The following ADAMTS6 variants were observed in gnomAD, a reference collection of about 807,000 sequenced individuals.
ADAMTS6 encodes the protein A disintegrin and metalloproteinase with thrombospondin motifs 6.
In ADAMTS6, 23 loss-of-function variants were observed where a neutral mutation model predicts 144.3. That is an observed-to-expected ratio of 0.16 (90% CI 0.11 to 0.23). The LOEUF (loss-of-function observed/expected upper bound fraction) is 0.23. Ranked by LOEUF, ADAMTS6 falls within the 10% of genes least tolerant of loss-of-function variation. ADAMTS6 has a pLI of 1.00. For missense variants in ADAMTS6, 999 were observed against 1,379.6 expected, an observed-to-expected ratio of 0.72 and a Z score of 4.37; for synonymous variants, 444 against 457.5, an observed-to-expected ratio of 0.97 and a Z score of 0.38.
chr5:65,223,616 C>A (rs1757488239), intron 18 of ADAMTS6, among the ~76,000 whole-genome samples: 1 of 152,136 alleles, frequency 6.6e-6, no homozygotes, highest in African/African-American at 2.4e-5. Flanking sequence ...CAGGTTCATC[C>A]ATATTGTTGC....
chr5:65,372,502 G>T (rs899861748), intron 7 of ADAMTS6, among the ~76,000 whole-genome samples: 9 of 151,794 alleles, frequency 5.9e-5, no homozygotes, highest in African/African-American at 2.2e-4. Context: ...GATCAAAAGA[G>T]ACAAAGAAGG....
At chr5:65,318,277 G>A (rs963711959) in intron 9 of ADAMTS6, among the ~76,000 whole-genome samples, 1 of 152,110 alleles carries the variant, frequency 6.6e-6, no homozygotes, top group Non-Finnish European at 1.5e-5. Flanking sequence ...ATACACTGTT[G>A]GTGGGAATGT....
intron 11 of ADAMTS6, among the ~76,000 whole-genome samples, chr5:65,275,403 GAAAGAA>G (rs1762431029): frequency 8.4e-6 from 1 of 119,558 alleles, no homozygotes; most frequent in South Asian, 2.6e-4. Context: ...AAGAAAGAAA[GAAAGAA>G]AGAAAGAAAA....
At chr5:65,185,433 A>G (rs1269340118) in intron 22 of ADAMTS6, among the ~76,000 whole-genome samples, 1 of 152,198 alleles carries the variant, frequency 6.6e-6, no homozygotes, top group Non-Finnish European at 1.5e-5. Flanking sequence ...AGACAGTAAC[A>G]GCAGCAGTTT....
At chr5:65,426,377 T>C (rs1756538556) in intron 7 of ADAMTS6, among the ~76,000 whole-genome samples, 2 of 152,084 alleles carry the variant, frequency 1.3e-5, no homozygotes, top group South Asian at 4.1e-4. Context: ...GCTTCTAAAT[T>C]AGCCTACTTT....
At chr5:65,444,772 C>T (rs1039647343) in intron 7 of ADAMTS6, among the ~76,000 whole-genome samples, 1 of 144,994 alleles carries the variant, frequency 6.9e-6, no homozygotes, top group Non-Finnish European at 1.5e-5. Context: ...TTAAAGGATA[C>T]CACATTTTTT....
chr5:65,470,178 C>T (rs1283920224), intron 3 of ADAMTS6, among the ~76,000 whole-genome samples: 3 of 152,130 alleles, frequency 2.0e-5, no homozygotes, highest in African/African-American at 4.8e-5. Flanking sequence ...CCCATCACGG[C>T]CTCCTAAAAC....
In ADAMTS6 at chr5:65,300,036, T is replaced by C. The variant is rs1048479889; in HGVS notation, c.1319A>G (p.Asn440Ser). 27 of 1,614,018 alleles carry C rather than the reference T, an allele frequency of 1.7e-5. No homozygotes were observed. Among genetic ancestry groups the C allele is most frequent in the African/African-American group, 1.1e-4 (8 of 74,934 alleles). The part of the protein sequence containing the change: ...LMAAHITANT[N>S]PFSWSACSRD... Reference sequence around the variant, plus strand: ...ACTGCAAGCAGACCAGGAAAAAGGATTGGTATTCGCAGTAATGTGAGCTGC... The same window carrying C: ...ACTGCAAGCAGACCAGGAAAAAGGACTGGTATTCGCAGTAATGTGAGCTGC... Residue 440 changes from asparagine (N) to serine (S), a missense_variant, in exon 10 of 25, where the codon AAT (asparagine) becomes AGT (serine). Physicochemically the swap from Asn to Ser is conservative, Grantham distance 46. Transcript: ENST00000381055.
At chr5:65,282,328 C>T (rs572906365) in intron 11 of ADAMTS6, among the ~76,000 whole-genome samples, 1 of 152,032 alleles carries the variant, frequency 6.6e-6, no homozygotes, top group Admixed American at 6.6e-5. Flanking sequence ...TATCTAAAGA[C>T]CTGGAATCAA....
Position 65,470,690 on chromosome 5 carries a change from A to T in ADAMTS6, c.462+88T>A, listed in dbSNP as rs557824419. 638 of 1,012,202 alleles carry T rather than the reference A, an allele frequency of 6.3e-4. 2 individuals are homozygous for T. Among genetic ancestry groups the T allele is most frequent in the East Asian group, 2.5e-3 (77 of 30,354 alleles). 62.7% of individuals were successfully genotyped at this position (1,012,202 alleles called of 1,614,324 possible). A position where few individuals can be genotyped will look rare whatever the true frequency, so the allele number is the denominator to read the frequency against. ...CTACTTAAACTACCTATATATATAT[A>T]TATTTTTTTTTTAATCTGAGGAAAG... On this transcript the variant is annotated intron_variant, in intron 3 of 24. Transcript: ENST00000381055.
chr5:65,175,846 C>A (rs1485907407), intron 22 of ADAMTS6, among the ~76,000 whole-genome samples: 2 of 148,548 alleles, frequency 1.3e-5, no homozygotes, highest in East Asian at 2.0e-4. Context: ...ACAGGACAAT[C>A]GATGGTTCCT....
At chr5:65,467,223 C>T (rs567474714) in intron 3 of ADAMTS6, among the ~76,000 whole-genome samples, 1 of 151,876 alleles carries the variant, frequency 6.6e-6, no homozygotes, top group Admixed American at 6.5e-5. Flanking sequence ...ATAAGCGAAG[C>T]AGAGAACCAA....
At chr5:65,469,483 T>G (rs181526370) in intron 3 of ADAMTS6, among the ~76,000 whole-genome samples, 28 of 152,322 alleles carry the variant, frequency 1.8e-4, no homozygotes, top group African/African-American at 6.5e-4. Context: ...TTTTAACATA[T>G]GAAAAGTTTT....
intron 14 of ADAMTS6, among the ~76,000 whole-genome samples, chr5:65,246,606 C>T (rs1759650799): frequency 6.6e-6 from 1 of 152,024 alleles, no homozygotes; most frequent in Admixed American, 6.6e-5. Flanking sequence ...TGAAAAGGAA[C>T]TGAAGGAATG....
rs114454057 is a variant in ADAMTS6 at position 65,419,689 on chromosome 5, T to C, written c.1073+31786A>G. 2.5e-3 allele frequency among the ~76,000 whole-genome samples: 385 copies of C among 152,342 alleles called. 4 individuals are homozygous for C. The highest frequency in any genetic ancestry group is 9.0e-3 in the African/African-American group (373 of 41,592). On this transcript the variant is annotated intron_variant, in intron 7 of 24. Coordinates refer to ENST00000381055, the MANE Select transcript of ADAMTS6 (RefSeq NM_197941.4). ...GATGAAGTACTGATTTATGCTACCA[T>C]ATAAATGAATCTTGAAAACATTATG... is the stretch of plus-strand genomic sequence containing the variant.
At chr5:65,221,266 C>T (rs1221611530) in intron 18 of ADAMTS6, among the ~76,000 whole-genome samples, 1 of 152,106 alleles carries the variant, frequency 6.6e-6, no homozygotes, top group African/African-American at 2.4e-5. Context: ...CAAATCAATT[C>T]CAGCAATATA....
Position 65,172,934 on chromosome 5 carries a change from G to A in ADAMTS6, c.2985C>T (p.Phe995=), listed in dbSNP as rs1441340468. ...LCKSSDLSKT[F]PAAQCPEESK... ...TTTCCTCTGGACATTGTGCAGCTGG[G>A]AATGTCTTAGAAAGGTCACTGCTCT... The change falls in exon 23 of 25, where the codon TTC becomes TTT. Residue 995 remains phenylalanine (F), a synonymous_variant. Transcript: ENST00000381055. The A allele has an allele frequency of 6.2e-7, 1 of 1,614,114 alleles. No individual in the cohort carries two copies. The highest frequency in any genetic ancestry group is 8.5e-7 in the Non-Finnish European group (1 of 1,180,054).
At chr5:65,463,146 G>A (rs1328978646) in intron 3 of ADAMTS6, among the ~76,000 whole-genome samples, 1 of 151,868 alleles carries the variant, frequency 6.6e-6, no homozygotes, top group Non-Finnish European at 1.5e-5. Context: ...AACATTAAGA[G>A]GGGAGATAAA....
intron 7 of ADAMTS6, among the ~76,000 whole-genome samples, chr5:65,341,515 T>G (rs1298958563): frequency 1.3e-5 from 2 of 151,814 alleles, no homozygotes; most frequent in African/African-American, 4.8e-5. Flanking sequence ...AAAAAAGTGA[T>G]GCCACAACAG....
Sources: allele counts gnomAD v4.1 joint callset (sites outside exome capture counted in the v4.1 genomes callset), GRCh38; gene constraint gnomAD v4.1.1; transcripts MANE v1.5; gene names NCBI Gene and HGNC (gene_info 2026-07-23, HGNC 2026-07-21).